Variants in MIGA1 observed in about 807,000 individuals in gnomAD.
MIGA1 encodes family with sequence similarity 73, member A.
In MIGA1, 58 loss-of-function variants were observed where a neutral mutation model predicts 82.0. The observed-to-expected ratio is 0.71, with a 90% CI of 0.57 to 0.88. The LOEUF is 0.88. Among genes scored for constraint, MIGA1 ranks in the 40% least tolerant of loss-of-function variants. MIGA1 has a pLI of 0.00. For missense variants in MIGA1, 751 were observed against 749.1 expected, an observed-to-expected ratio of 1.00 and a Z score of -0.03; for synonymous variants, 249 against 253.6, an observed-to-expected ratio of 0.98 and a Z score of 0.17.
intron 5 of MIGA1, 58 bp from the exon 6 acceptor site, chr1:77,813,676 T>A: frequency 6.3e-7 from 1 of 1,581,308 alleles, no homozygotes; most frequent in Non-Finnish European, 8.7e-7. Context: ...CAGGCCCCAA[T>A]AATTTTATTT....
intron 7 of MIGA1, among the ~76,000 whole-genome samples, chr1:77,817,955 ATTTTTTTTTT>A (rs10676009): frequency 8.6e-6 from 1 of 115,608 alleles, no homozygotes; most frequent in East Asian, 2.7e-4. Flanking sequence ...AGATTGGAAG[ATTTTTTTTTT>A]TTTTTTTTTT....
intron 5 of MIGA1, 82 bp downstream of exon 5, chr1:77,807,183 A>G: frequency 9.2e-7 from 1 of 1,089,122 alleles, no homozygotes; most frequent in South Asian, 1.6e-5. Context: ...ATTGAGACAG[A>G]CAGGGTCTCA....
At chr1:77,827,326 A>T (rs997110895) in intron 7 of MIGA1, among the ~76,000 whole-genome samples, 1 of 151,988 alleles carries the variant, frequency 6.6e-6, no homozygotes, top group African/African-American at 2.4e-5. Flanking sequence ...AATTCTCTGG[A>T]AGCTGGGTGT....
intron 14 of MIGA1, 63 bp downstream of exon 14, chr1:77,866,454 T>C: frequency 4.0e-6 from 6 of 1,484,568 alleles, no homozygotes; most frequent in Non-Finnish European, 5.6e-6. Context: ...CAAAGCAGCT[T>C]CTGAGTCACT....
At chr1:77,780,360 A>G (rs369595401) in intron 1 of MIGA1, among the ~76,000 whole-genome samples, 66 of 152,270 alleles carry the variant, frequency 4.3e-4, no homozygotes, top group African/African-American at 1.0e-3. Flanking sequence ...TAAATTATCT[A>G]TTTTCCAGAG....
chr1:77,826,368 G>A (rs1214738524), intron 7 of MIGA1, among the ~76,000 whole-genome samples: 1 of 152,160 alleles, frequency 6.6e-6, no homozygotes, highest in South Asian at 2.1e-4. Flanking sequence ...TATTCTAGAT[G>A]TAGCTAAGAT....
At chr1:77,804,538 C>T (rs1024884767) in intron 4 of MIGA1, among the ~76,000 whole-genome samples, 3 of 151,908 alleles carry the variant, frequency 2.0e-5, no homozygotes, top group Non-Finnish European at 2.9e-5. Context: ...CATAGAGAAA[C>T]TTTGTCTCTA....
intron 2 of MIGA1, among the ~76,000 whole-genome samples, chr1:77,791,200 A>G (rs1682402575): frequency 6.7e-6 from 1 of 149,156 alleles, no homozygotes; most frequent in Non-Finnish European, 1.5e-5. Flanking sequence ...CTCTGATTGC[A>G]TTATTGCACT....
At chr1:77,827,939 TC>T (rs886326425) in intron 7 of MIGA1, among the ~76,000 whole-genome samples, 7 of 152,062 alleles carry the variant, frequency 4.6e-5, no homozygotes, top group African/African-American at 1.7e-4. Context: ...GCATCTGTGG[TC>T]CCAGCTACTT....
intron 7 of MIGA1, among the ~76,000 whole-genome samples, chr1:77,840,702 C>T (rs564251442): frequency 6.6e-6 from 1 of 152,212 alleles, no homozygotes; most frequent in African/African-American, 2.4e-5. Context: ...ATCTCAGCTA[C>T]TTGGGAGGCT....
chr1:77,855,084 T>G lies in MIGA1; in HGVS notation c.997-3854T>G, dbSNP rs572494662. ...GTTGATTTTTGTATAAGATGAGAGA[T>G]AAGGATCCAGTTTCATTCTCCTACA... is the stretch of plus-strand genomic sequence containing the variant. On this transcript the variant is annotated intron_variant, in intron 8 of 15. Transcript: ENST00000370791. Among the ~76,000 whole-genome samples, 3 of 152,306 alleles carry G rather than the reference T, an allele frequency of 2.0e-5. No individual in the cohort carries two copies. In the East Asian group the frequency reaches 5.8e-4, roughly 29 times the overall value.
At position 77,874,953 on chromosome 1, in the gene MIGA1, T is replaced by G. The variant is rs769637956; in HGVS notation, c.1788T>G (p.Thr596=). Residue 596 remains threonine (T), a synonymous_variant, in exon 16 of 16, where the codon ACT becomes ACG. Transcript: ENST00000370791. ...TCATGCAGTTACTCATTCGCCGCAC[T>G]GAGCTTTTAATGGCCTATCTTGAAG... 11 of 1,614,050 alleles carry G rather than the reference T, an allele frequency of 6.8e-6. No homozygotes were observed. The highest frequency in any genetic ancestry group is 5.0e-5 in the Admixed American group (3 of 59,996).
Position 77,876,692 on chromosome 1 carries a change from C to G in MIGA1, c.*1628C>G, listed in dbSNP as rs915729633. The G allele has an allele frequency of 6.6e-6, 1 of 152,098 alleles. No individual in the cohort carries two copies. The highest frequency in any genetic ancestry group is 1.5e-5 in the Non-Finnish European group (1 of 68,030). 9.4% of individuals were successfully genotyped at this position (152,098 alleles called of 1,614,324 possible). A position where few individuals can be genotyped will look rare whatever the true frequency, so the allele number is the denominator to read the frequency against. On this transcript the variant is annotated 3_prime_UTR_variant, in exon 16 of 16. Transcript: ENST00000370791. Reference sequence around the variant, plus strand: ...TTTTAAAAATATTCATAGTTTGAATCTTATTGACATTTTAAAGAAGAGTTT... The same window carrying G: ...TTTTAAAAATATTCATAGTTTGAATGTTATTGACATTTTAAAGAAGAGTTT...
intron 8 of MIGA1, chr1:77,847,572 T>C (rs1684891781): frequency 1.3e-6 from 2 of 1,512,406 alleles, no homozygotes; most frequent in Non-Finnish European, 1.8e-6. Flanking sequence ...ATTTGTGACA[T>C]CTGCATATAA....
intron 8 of MIGA1, among the ~76,000 whole-genome samples, chr1:77,852,028 G>A (rs926866299): frequency 6.6e-6 from 1 of 151,906 alleles, no homozygotes; most frequent in Non-Finnish European, 1.5e-5. Context: ...GGGATTACAG[G>A]CATGTGCCAC....
chr1:77,844,305 C>CA (rs951838642), intron 8 of MIGA1, among the ~76,000 whole-genome samples: 1 of 150,562 alleles, frequency 6.6e-6, no homozygotes, highest in African/African-American at 2.4e-5. Flanking sequence ...AACATGTTTC[C>CA]AATAATTTTA....
chr1:77,851,858 C>T (rs1685063819), intron 8 of MIGA1, among the ~76,000 whole-genome samples: 2 of 148,908 alleles, frequency 1.3e-5, no homozygotes, highest in South Asian at 4.2e-4. Flanking sequence ...TTAATTGGAG[C>T]CCAGTTTAGT....
intron 7 of MIGA1, among the ~76,000 whole-genome samples, chr1:77,819,758 T>A (rs1052086410): frequency 2.0e-5 from 3 of 151,970 alleles, no homozygotes; most frequent in Non-Finnish European, 4.4e-5. Context: ...TAATTTTTAT[T>A]TTGGGTAGAG....
chr1:77,828,840 T>C (rs916749076), intron 7 of MIGA1, among the ~76,000 whole-genome samples: 1 of 151,860 alleles, frequency 6.6e-6, no homozygotes, highest in Non-Finnish European at 1.5e-5. Flanking sequence ...ACCCAGCTAA[T>C]TTTTTTTGTA....
Sources: allele counts gnomAD v4.1 joint callset (sites outside exome capture counted in the v4.1 genomes callset), GRCh38; gene constraint gnomAD v4.1.1; transcripts MANE v1.5; gene names NCBI Gene and HGNC (gene_info 2026-07-23, HGNC 2026-07-21).